Variants in SLC9A4 observed in about 807,000 individuals in gnomAD.
SLC9A4 encodes solute carrier family 9 member A4.
A neutral mutation model predicts 67.4 loss-of-function variants in SLC9A4; 63 were observed. The ratio of observed to expected loss-of-function variants is 0.93; its 90% confidence interval spans 0.76 to 1.15. The LOEUF is 1.15. SLC9A4 is among the 50% of genes most tolerant of loss of function. The pLI, the probability that SLC9A4 is intolerant of heterozygous loss-of-function variation, is 0.00. For missense variants in SLC9A4, 1,089 were observed against 987.7 expected (o/e 1.10, Z -1.38); for synonymous variants, 393 against 367.2 (o/e 1.07, Z -0.80).
chr2:102,492,593 G>C (rs1684726250), intron 2 of SLC9A4, among the ~76,000 whole-genome samples: 1 of 147,998 alleles, frequency 6.8e-6, no homozygotes. Context: ...AGGCTGCATA[G>C]AGCAGGGGGG....
intron 5 of SLC9A4, 88 bp from the exon 6 acceptor site, chr2:102,508,759 C>G (rs771442670): frequency 4.9e-5 from 46 of 940,950 alleles, no homozygotes; most frequent in Non-Finnish European, 7.3e-5. Flanking sequence ...ATAGATTGGA[C>G]ATTCTAATAG....
At chr2:102,527,152 G>A (rs949844338) in intron 11 of SLC9A4, among the ~76,000 whole-genome samples, 51 of 152,140 alleles carry the variant, frequency 3.4e-4, no homozygotes, top group Middle Eastern at 3.4e-3. Context: ...AAAGTTAAAA[G>A]CATTTGCAAC....
Position 102,505,166 on chromosome 2 carries a change from A to C in SLC9A4, c.981-88A>C, listed in dbSNP as rs999112175. 3.4e-6 allele frequency: 4 copies of C among 1,181,578 alleles called. No individual in the cohort carries two copies. The African/African-American group carries it at 6.0e-5, about 18-fold the overall frequency. 73.2% of individuals were successfully genotyped at this position (1,181,578 alleles called of 1,614,324 possible). On this transcript the variant is annotated intron_variant, in intron 3 of 11. Transcript: ENST00000295269. ...ATATTCCTGCATCAACACGGGCTTC[A>C]TGCATCTGTGGCATTGCCTGTGGGG...
chr2:102,487,178 G>GGTGTGTGTGTGTGTGTGTGTGT (rs55756786), intron 2 of SLC9A4, among the ~76,000 whole-genome samples: 6 of 149,092 alleles, frequency 4.0e-5, no homozygotes, highest in African/African-American at 1.2e-4. Flanking sequence ...GCTCACAGCT[G>GGTGTGTGTGTGTGTGTGTGTGT]GTGTGTGTGT....
chr2:102,512,315 G>T, intron 7 of SLC9A4, 42 bp downstream of exon 7: 1 of 1,599,826 alleles, frequency 6.3e-7, no homozygotes. Flanking sequence ...AACTTCTAAA[G>T]GTTCCATTGG....
chr2:102,478,241 G>T (rs1431281226), intron 1 of SLC9A4, among the ~76,000 whole-genome samples: 1 of 152,086 alleles, frequency 6.6e-6, no homozygotes, highest in Non-Finnish European at 1.5e-5. Flanking sequence ...GAGAGGAGGG[G>T]ATAGATTTTA....
intron 2 of SLC9A4, among the ~76,000 whole-genome samples, chr2:102,485,757 T>G (rs1684575281): frequency 6.6e-6 from 1 of 152,166 alleles, no homozygotes; most frequent in African/African-American, 2.4e-5. Flanking sequence ...GCTGCCCAGG[T>G]CTCTGTTTCC....
chr2:102,523,801 C>T (rs1674599967), intron 9 of SLC9A4, among the ~76,000 whole-genome samples: 1 of 152,196 alleles, frequency 6.6e-6, no homozygotes, highest in African/African-American at 2.4e-5. Context: ...CCAGCACATC[C>T]TCTGACTGTT....
chr2:102,519,339 C>T (rs1685346211), intron 8 of SLC9A4, among the ~76,000 whole-genome samples: 1 of 152,182 alleles, frequency 6.6e-6, no homozygotes, highest in Admixed American at 6.5e-5. Context: ...AACTAATATT[C>T]TATTAGATAA....
intron 2 of SLC9A4, among the ~76,000 whole-genome samples, chr2:102,498,752 A>AT (rs1241026899): frequency 7.2e-5 from 11 of 152,172 alleles, no homozygotes; most frequent in South Asian, 6.2e-4. Context: ...CATATGTCAC[A>AT]TTTTTTTTCA....
intron 8 of SLC9A4, among the ~76,000 whole-genome samples, chr2:102,515,725 C>A (rs1685264160): frequency 6.6e-6 from 1 of 151,972 alleles, no homozygotes; most frequent in African/African-American, 2.4e-5. Context: ...ATCTGACTTA[C>A]CTTAGTTACT....
chr2:102,519,710 C>A, intron 8 of SLC9A4, 149 bp from the exon 9 acceptor site: 1 of 579,604 alleles, frequency 1.7e-6, no homozygotes, highest in Non-Finnish European at 2.8e-6. Flanking sequence ...TGACATCAAA[C>A]CAACTTACTA....
chr2:102,489,079 G>C (rs1684647349), intron 2 of SLC9A4, among the ~76,000 whole-genome samples: 1 of 152,246 alleles, frequency 6.6e-6, no homozygotes, highest in Non-Finnish European at 1.5e-5. Context: ...AGTTACAACT[G>C]ATGCTTGCTT....
At chr2:102,476,257 G>T (rs1229536980) in intron 1 of SLC9A4, among the ~76,000 whole-genome samples, 1 of 152,244 alleles carries the variant, frequency 6.6e-6, no homozygotes, top group African/African-American at 2.4e-5. Flanking sequence ...CATCACAGAT[G>T]AATGTTTCTT....
intron 2 of SLC9A4, among the ~76,000 whole-genome samples, chr2:102,480,589 T>C (rs1274414864): frequency 6.6e-6 from 1 of 152,268 alleles, no homozygotes; most frequent in Non-Finnish European, 1.5e-5. Context: ...AATGTTGAAA[T>C]GCATATTGAA....
rs749902922 is a variant in SLC9A4, at chr2:102,478,839, G to T, written c.257G>T (p.Gly86Val). Residue 86 changes from glycine to valine, a missense_variant and splice_region_variant, in exon 2 of 12, where the codon GGC becomes GTC. Gly to Val is a moderately radical substitution (Grantham distance 109, BLOSUM62 -3). Coordinates refer to ENST00000295269, the MANE Select transcript of SLC9A4 (RefSeq NM_001011552.4). ...WILLASLAKI[G>V]FHLYHRLPGL... is the part of the protein sequence containing the mutation. ...CTAACTGCTCTTCGCTGTTCTGCAG[G>T]CTTCCACCTCTACCACAGGCTGCCA... 33 of 1,613,248 alleles carry T rather than the reference G, an allele frequency of 2.0e-5. No homozygotes were observed. Among genetic ancestry groups the T allele is most frequent in the Non-Finnish European group, 2.3e-5 (27 of 1,179,604 alleles).
chr2:102,486,723 GATTA>G (rs1558661056), intron 2 of SLC9A4, among the ~76,000 whole-genome samples: 1 of 152,144 alleles, frequency 6.6e-6, no homozygotes, highest in African/African-American at 2.4e-5. Flanking sequence ...AGATGAGAAT[GATTA>G]ATCTGACTTC....
intron 2 of SLC9A4, among the ~76,000 whole-genome samples, chr2:102,499,307 T>TAGAC (rs61481837): frequency 0.77 from 116,375 of 151,860 alleles, 45,645 homozygotes; most frequent in African/African-American, 0.9. Context: ...GATAGATAGA[T>TAGAC]AGATAGATAG....
At chr2:102,474,661 T>A (rs1040890915) in intron 1 of SLC9A4, among the ~76,000 whole-genome samples, 1 of 152,182 alleles carries the variant, frequency 6.6e-6, no homozygotes, top group Non-Finnish European at 1.5e-5. Flanking sequence ...TAGATTAAAT[T>A]CCAATCAAGG....
Sources: allele counts gnomAD v4.1 joint callset (sites outside exome capture counted in the v4.1 genomes callset), GRCh38; gene constraint gnomAD v4.1.1; transcripts MANE v1.5; gene names NCBI Gene and HGNC (gene_info 2026-07-23, HGNC 2026-07-21).